The following CLEC10A variants were observed in gnomAD, a reference collection of about 807,000 sequenced individuals.
The protein encoded by CLEC10A is C-type lectin domain containing 10A.
CLEC10A carries 38 observed loss-of-function variants against 42.0 expected under a neutral mutation model. The ratio of observed to expected loss-of-function variants is 0.90; its 90% CI spans 0.70 to 1.18. The LOEUF (loss-of-function observed/expected upper bound fraction) is 1.18. Ranked by LOEUF, CLEC10A falls within the 50% of genes most tolerant of loss-of-function variation. The pLI is 0.00. For missense variants in CLEC10A, 298 were observed against 345.9 expected (o/e 0.86, Z 1.10); for synonymous variants, 126 against 139.9 (o/e 0.90, Z 0.70).
rs753079466 is a variant in CLEC10A at position 7,075,989 on chromosome 17, G to A, written c.435C>T (p.Asn145=). 1.2e-6 allele frequency: 2 copies of A among 1,614,220 alleles called. No individual in the cohort carries two copies. Among genetic ancestry groups the A allele is most frequent in the East Asian group, 2.2e-5 (1 of 44,886 alleles). The change falls in exon 6 of 9, where the codon AAC becomes AAT. Residue 145 remains asparagine (N), a synonymous_variant. Transcript: ENST00000416562. Reference sequence around the variant, plus strand: ...TACTCCCCATACCTTCCTCACCATTGTTGTTGAGAGTAGCCACCTGGCAGG... The same window carrying A: ...TACTCCCCATACCTTCCTCACCATTATTGTTGAGAGTAGCCACCTGGCAGG... ...KLTCQVATLN[N]NASTEGTCCP...
Position 7,078,015 on chromosome 17 carries a change from AGAT to A in CLEC10A, c.163_165del (p.Ile55del). On this transcript the variant is annotated inframe_deletion, in exon 3 of 9. Coordinates refer to ENST00000416562, the MANE Select transcript of CLEC10A (RefSeq NM_001330070.2). ...CCCTCACTTTGGAATCCAACCACAC[AGAT>A]GATGACCAGCAGCAGGAGGCCGAGG... The A allele has an allele frequency of 6.2e-7, 1 of 1,613,210 alleles. No individual in the cohort carries two copies. Among genetic ancestry groups the A allele is most frequent in the Non-Finnish European group, 8.5e-7 (1 of 1,179,312 alleles).
intron 1 of CLEC10A, among the ~76,000 whole-genome samples, chr17:7,079,784 C>CTGCA (rs1312242577): frequency 1.3e-5 from 2 of 151,928 alleles, no homozygotes; most frequent in Non-Finnish European, 2.9e-5. Flanking sequence ...TCTCGGCTCA[C>CTGCA]TGCAACCTCT....
intron 5 of CLEC10A, 85 bp downstream of exon 5, chr17:7,076,648 G>A: frequency 7.0e-7 from 1 of 1,429,462 alleles, no homozygotes; most frequent in Admixed American, 1.7e-5. Context: ...TGAAGGGGAG[G>A]GCAGTTCAGC....
chr17:7,078,741 C>T lies in CLEC10A; in HGVS notation c.67+5G>A. ...ATTTTAGGAGAGTTTCCCCTTTCCTCTTACCATTTTTAAACCCCTGGACTT... is the reference window on the plus strand; with the variant it reads ...ATTTTAGGAGAGTTTCCCCTTTCCTTTTACCATTTTTAAACCCCTGGACTT... On this transcript the variant is annotated splice_donor_5th_base_variant and intron_variant, in intron 2 of 8. Coordinates refer to ENST00000416562, the MANE Select transcript of CLEC10A (RefSeq NM_001330070.2). 1.2e-6 allele frequency: 2 copies of T among 1,613,610 alleles called. No homozygotes were observed. Among genetic ancestry groups the T allele is most frequent in the Non-Finnish European group, 8.5e-7 (1 of 1,179,486 alleles).
chr17:7,078,185 A>G (rs1172463503), intron 2 of CLEC10A, 72 bp from the exon 3 acceptor site: 1 of 1,191,716 alleles, frequency 8.4e-7, no homozygotes, highest in East Asian at 2.4e-5. Flanking sequence ...GGGCCCAGGG[A>G]GCTGTCTAGT....
chr17:7,076,911 G>C lies in CLEC10A; in HGVS notation c.261C>G (p.Ile87Met), dbSNP rs1911793062. The C allele has an allele frequency of 6.2e-7, 1 of 1,613,942 alleles. No homozygotes were observed. Among genetic ancestry groups the C allele is most frequent in the Non-Finnish European group, 8.5e-7 (1 of 1,179,940 alleles). ...SNFTSNTVAE[I>M]QALTSQGSSL... ...ACTCACCCTGGGAAGTCAGTGCCTG[G>C]ATCTCCGCCACAGTGTTTGAGGTGA... Residue 87 changes from isoleucine (I) to methionine (M), a missense_variant, in exon 4 of 9, where the codon ATC (isoleucine) becomes ATG (methionine). Transcript: ENST00000416562.
rs1911634323 is a variant in CLEC10A, at chr17:7,075,002, A to G, written c.*52T>C. 21 of 1,432,736 alleles carry G rather than the reference A, an allele frequency of 1.5e-5. No individual in the cohort carries two copies. Among genetic ancestry groups the G allele is most frequent in the African/African-American group, 4.4e-5 (3 of 67,902 alleles). 88.8% of individuals were successfully genotyped at this position (1,432,736 alleles called of 1,614,324 possible). On this transcript the variant is annotated 3_prime_UTR_variant, in exon 9 of 9. Coordinates refer to ENST00000416562, the MANE Select transcript of CLEC10A (RefSeq NM_001330070.2). ...GGTCTTGCGAGGAGGTCGTGAGAAG[A>G]GTCCTCCTCCCACCGCCATTTCTGT...
chr17:7,077,426 A>G (rs1458945378), intron 3 of CLEC10A, among the ~76,000 whole-genome samples: 90 of 76,402 alleles, frequency 1.2e-3, no homozygotes, highest in South Asian at 2.1e-3. Flanking sequence ...CAGTGCTCCC[A>G]TCACCATTCC....
chr17:7,079,092 T>C (rs921981326), intron 1 of CLEC10A, among the ~76,000 whole-genome samples: 35 of 152,162 alleles, frequency 2.3e-4, no homozygotes, highest in African/African-American at 8.2e-4. Flanking sequence ...GACTACCCAG[T>C]GGGCCAGTTA....
Position 7,075,072 on chromosome 17 carries a change from G to A in CLEC10A, c.852C>T (p.Thr284=). The A allele has an allele frequency of 6.3e-7, 1 of 1,582,902 alleles. No homozygotes were observed. Among genetic ancestry groups the A allele is most frequent in the Non-Finnish European group, 8.5e-7 (1 of 1,170,842 alleles). The stretch of plus-strand genomic sequence containing the variant: ...AGGCAGCTCAGTGACTCTCCTGGCT[G>A]GTCTGACCCAGGCCAGCCTCGCAGA... ...HWVCEAGLGQ[T]SQESH Residue 284 remains threonine (T), a synonymous_variant, in exon 9 of 9, where the codon ACC becomes ACT. Transcript: ENST00000416562.
chr17:7,079,695 G>GTTTATT (rs781289624), intron 1 of CLEC10A, among the ~76,000 whole-genome samples: 7 of 152,190 alleles, frequency 4.6e-5, no homozygotes, highest in African/African-American at 1.4e-4. Flanking sequence ...CTGAGTCTTA[G>GTTTATT]TTTATTTTTA....
At position 7,076,005 on chromosome 17, in the gene CLEC10A, A is replaced by G; in HGVS notation, c.419T>C (p.Val140Ala). ...CTCACCATTGTTGTTGAGAGTAGCC[A>G]CCTGGCAGGTCAGTTTCTTCAGGTC... ...VQDLKKLTCQ[V>A]ATLNNNASTE... is the part of the protein sequence containing the mutation. The change falls in exon 6 of 9, where the codon GTG becomes GCG. Residue 140 changes from valine to alanine, a missense_variant. This residue lies in a region of CLEC10A where 267 missense variants were observed against 289.5 expected (regional missense o/e 0.92). Coordinates refer to ENST00000416562, the MANE Select transcript of CLEC10A (RefSeq NM_001330070.2). 1.2e-6 allele frequency: 2 copies of G among 1,614,190 alleles called. No individual in the cohort carries two copies. The highest frequency in any genetic ancestry group is 1.7e-6 in the Non-Finnish European group (2 of 1,180,034).
At chr17:7,078,164 G>A in intron 2 of CLEC10A, 51 bp from the exon 3 acceptor site, 2 of 1,400,322 alleles carry the variant, frequency 1.4e-6, no homozygotes, top group Non-Finnish European at 2.0e-6. Flanking sequence ...ACCGGAGACG[G>A]GAGAAGGAGA....
intron 3 of CLEC10A, among the ~76,000 whole-genome samples, chr17:7,077,354 CGA>C (rs1911842345): frequency 1.4e-5 from 2 of 145,170 alleles, no homozygotes; most frequent in African/African-American, 2.6e-5. Context: ...ATCAGTGCTC[CGA>C]CCACTGTTCT....
rs778916347 is a variant in CLEC10A at position 7,076,018 on chromosome 17, G to A, written c.406C>T (p.Leu136=). Residue 136 remains leucine, a synonymous_variant, in exon 6 of 9, where the codon CTG becomes TTG. Transcript: ENST00000416562. Reference sequence around the variant, plus strand: ...TTGAGAGTAGCCACCTGGCAGGTCAGTTTCTTCAGGTCTTGCACCAGCTGC... The same window carrying A: ...TTGAGAGTAGCCACCTGGCAGGTCAATTTCTTCAGGTCTTGCACCAGCTGC... ...VQQLVQDLKK[L]TCQVATLNNN... 3.1e-6 allele frequency: 5 copies of A among 1,614,232 alleles called. No homozygotes were observed. Among genetic ancestry groups the A allele is most frequent in the Non-Finnish European group, 4.2e-6 (5 of 1,180,028 alleles).
Position 7,078,059 on chromosome 17 carries a change from A to G in CLEC10A, c.122T>C (p.Leu41Pro). ...LQRLCSGPCH[L>P]LLSLGLGLLL... ...GAGGCCGAGGCCCAGGGACAGCAGG[A>G]GATGGCAGGGCCCAGAGCAGAGACG... Residue 41 changes from leucine to proline, a missense_variant, in exon 3 of 9, where the codon CTC becomes CCC. Coordinates refer to ENST00000416562, the MANE Select transcript of CLEC10A (RefSeq NM_001330070.2). 1 of 1,614,022 alleles carries G rather than the reference A, an allele frequency of 6.2e-7. No individual in the cohort carries two copies. Among genetic ancestry groups the G allele is most frequent in the Non-Finnish European group, 8.5e-7 (1 of 1,179,944 alleles).
rs531762386 is a variant in CLEC10A, at chr17:7,075,694, G to A, written c.594+37C>T. 213 of 1,613,936 alleles carry A rather than the reference G, an allele frequency of 1.3e-4. No individual in the cohort carries two copies. In the South Asian group the frequency reaches 2.2e-3, roughly 16 times the overall value. On this transcript the variant is annotated intron_variant, in intron 7 of 8. Coordinates refer to ENST00000416562, the MANE Select transcript of CLEC10A (RefSeq NM_001330070.2). ...AGCTTAAGAACCATTTCCCTAAATG[G>A]GACATGTCTTAGGAACTGAGTACCA... is the stretch of plus-strand genomic sequence containing the variant.
At chr17:7,077,635 C>T (rs1343161513) in intron 3 of CLEC10A, among the ~76,000 whole-genome samples, 1 of 130,224 alleles carries the variant, frequency 7.7e-6, no homozygotes, top group Non-Finnish European at 1.6e-5. Context: ...CATCAATGCC[C>T]CCCACCATTC....
At position 7,075,739 on chromosome 17, in the gene CLEC10A, C is replaced by T. The variant is rs1244656492; in HGVS notation, c.586G>A (p.Glu196Lys). 8.1e-6 allele frequency: 13 copies of T among 1,614,216 alleles called. No individual in the cohort carries two copies. Among genetic ancestry groups the T allele is most frequent in the Non-Finnish European group, 1.0e-5 (12 of 1,180,042 alleles). ...NAHLVVINSR[E>K]EQNFVQKYLG... ...GTACCAGAAGCCCTCACCTGCTCCTCCCTGGAGTTGATGACCACCAGGTGG... is the reference window on the plus strand; with the variant it reads ...GTACCAGAAGCCCTCACCTGCTCCTTCCTGGAGTTGATGACCACCAGGTGG... Residue 196 changes from glutamate to lysine, a missense_variant, in exon 7 of 9, where the codon GAG becomes AAG. Physicochemically the swap from Glu to Lys is moderately conservative, Grantham distance 56. Coordinates refer to ENST00000416562, the MANE Select transcript of CLEC10A (RefSeq NM_001330070.2).
Sources: allele counts gnomAD v4.1 joint callset (sites outside exome capture counted in the v4.1 genomes callset), GRCh38; gene constraint gnomAD v4.1.1; regional missense constraint gnomAD v4.1.1; transcripts MANE v1.5; gene names NCBI Gene and HGNC (gene_info 2026-07-23, HGNC 2026-07-21).